The following NUMA1 variants were observed in gnomAD, a reference collection of about 807,000 sequenced individuals.
The protein encoded by NUMA1 is nuclear mitotic apparatus protein 1, also known as SP-H antigen.
Under a neutral mutation model 237.1 loss-of-function variants are expected in NUMA1, and 62 were observed. The ratio of observed to expected loss-of-function variants is 0.26; its 90% CI spans 0.21 to 0.32. The LOEUF is 0.32. Ranked by LOEUF, NUMA1 falls within the 10% of genes least tolerant of loss-of-function variation. NUMA1 has a pLI of 1.00. For missense variants in NUMA1, 2,533 were observed against 2,666.5 expected (o/e 0.95, Z 1.10); for synonymous variants, 1,028 against 1,066.1 (o/e 0.96, Z 0.70).
At chr11:72,044,610 G>T (rs564446478) in intron 2 of NUMA1, among the ~76,000 whole-genome samples, 1 of 151,696 alleles carries the variant, frequency 6.6e-6, no homozygotes, top group Non-Finnish European at 1.5e-5. Flanking sequence ...TTTGGGGGGG[G>T]GGAGGAGTTA....
intron 2 of NUMA1, among the ~76,000 whole-genome samples, chr11:72,038,249 C>T (rs1591007645): frequency 6.6e-6 from 1 of 152,284 alleles, no homozygotes; most frequent in South Asian, 2.1e-4. Context: ...GTTTAACCAA[C>T]CTCTTCATCT....
intron 3 of NUMA1, among the ~76,000 whole-genome samples, chr11:72,031,318 A>C (rs1940280481): frequency 6.6e-6 from 1 of 152,062 alleles, no homozygotes. Flanking sequence ...AAAAAAGAAA[A>C]ACTAATAAAC....
At chr11:72,019,134 C>T in intron 9 of NUMA1, 154 bp from the exon 10 acceptor site, 1 of 751,596 alleles carries the variant, frequency 1.3e-6, no homozygotes, top group East Asian at 2.7e-5. Context: ...CCTCAAGCCT[C>T]ATGACATGAT....
chr11:72,035,309 G>T (rs1940876396), intron 3 of NUMA1, among the ~76,000 whole-genome samples: 1 of 152,172 alleles, frequency 6.6e-6, no homozygotes, highest in Admixed American at 6.5e-5. Flanking sequence ...CAGAAAGGTG[G>T]TAAGAGAGTG....
intron 4 of NUMA1, among the ~76,000 whole-genome samples, chr11:72,025,763 TACA>T (rs1303157208): frequency 6.6e-6 from 1 of 152,212 alleles, no homozygotes; most frequent in Non-Finnish European, 1.5e-5. Context: ...CCCATGTGAT[TACA>T]CAGGCTTCTT....
intron 1 of NUMA1, among the ~76,000 whole-genome samples, chr11:72,071,079 A>G (rs1943430006): frequency 1.3e-5 from 2 of 152,230 alleles, no homozygotes; most frequent in South Asian, 4.1e-4. Context: ...GTCACTTTTC[A>G]TGATACACAA....
chr11:72,024,018 CCAAAAAGTA>C, intron 5 of NUMA1: 1 of 420,570 alleles, frequency 2.4e-6, no homozygotes, highest in Non-Finnish European at 4.3e-6. Flanking sequence ...GTGACAGGTC[CCAAAAAGTA>C]ACCTTCTGGC....
chr11:72,009,290 G>A lies in NUMA1; in HGVS notation c.4817C>T (p.Ala1606Val), dbSNP rs759187062. ...TACCTGCAGCTTATAGTGCTCAGCT[G>A]CCTGCTCCTTCTGGCTCAACTGGGC... is the stretch of plus-strand genomic sequence containing the variant. ...LQAQLSQKEQ[A>V]AEHYKLQMEK... The change falls in exon 18 of 27, where the codon GCA becomes GTA. Residue 1606 changes from alanine (A) to valine (V), a missense_variant. Transcript: ENST00000393695. 1.2e-6 allele frequency: 2 copies of A among 1,613,306 alleles called. No homozygotes were observed. Among genetic ancestry groups the A allele is most frequent in the African/African-American group, 2.7e-5 (2 of 74,934 alleles).
chr11:72,006,184 A>T lies in NUMA1; in HGVS notation c.5543T>A (p.Leu1848Gln). 1.2e-6 allele frequency: 2 copies of T among 1,614,148 alleles called. No homozygotes were observed. Among genetic ancestry groups the T allele is most frequent in the Non-Finnish European group, 1.7e-6 (2 of 1,180,026 alleles). The change falls in exon 22 of 27, where the codon CTG becomes CAG. Residue 1848 changes from leucine (L) to glutamine (Q), a missense_variant. This residue lies in a region of NUMA1 where 795 missense variants were observed against 750.8 expected (regional missense o/e 1.06). Transcript: ENST00000393695. ...TRSAPASQAS[L>Q]RATSSTQSLA... The stretch of plus-strand genomic sequence containing the variant: ...AGACTGAGTAGAGGAGGTGGCTCGC[A>T]GGCTAGCCTGGGAAGCAGGAGCAGA...
At chr11:72,040,463 CA>C (rs1941538447) in intron 2 of NUMA1, 4 of 31,148 alleles carry the variant, frequency 1.3e-4, no homozygotes, top group Non-Finnish European at 2.6e-4. Flanking sequence ...CACACACACA[CA>C]CACACACACA....
chr11:72,061,357 G>A (rs1032519970), intron 2 of NUMA1, among the ~76,000 whole-genome samples: 20 of 152,264 alleles, frequency 1.3e-4, no homozygotes, highest in African/African-American at 3.9e-4. Context: ...TGCAGTATAG[G>A]TCTGGTATAT....
In NUMA1 at chr11:72,009,357, G is replaced by C. The variant is rs748559769; in HGVS notation, c.4750C>G (p.Gln1584Glu). The C allele has an allele frequency of 5.6e-6, 9 of 1,611,482 alleles. No homozygotes were observed. Among genetic ancestry groups the C allele is most frequent in the African/African-American group, 1.3e-5 (1 of 75,006 alleles). Residue 1584 changes from glutamine (Q) to glutamate (E), a missense_variant, in exon 18 of 27, where the codon CAG (glutamine) becomes GAG (glutamate). Physicochemically the swap from Gln to Glu is conservative, Grantham distance 29 (BLOSUM62 2). Around this residue, in one of 3 missense-constraint regions of NUMA1, gnomAD observed 795 missense variants for 750.8 expected, o/e 1.06. Transcript: ENST00000393695. ...AVQAQGGESQ[Q>E]EAQRLQAQLN... ...TGGGCCTGGAGGCGCTGGGCCTCCT[G>C]CTGGCTCTCGCCTCCCTGAGCCTGG...
Position 72,021,376 on chromosome 11 carries a change from A to AGTCCCC in NUMA1, c.373-91_373-86dup, listed in dbSNP as rs367613506. The AGTCCCC allele has an allele frequency of 1.8e-4, 223 of 1,212,892 alleles. No homozygotes were observed. The African/African-American group carries it at 3.0e-3, about 16-fold the overall frequency. 75.1% of individuals were successfully genotyped at this position (1,212,892 alleles called of 1,614,324 possible). On this transcript the variant is annotated intron_variant, in intron 7 of 26. Coordinates refer to ENST00000393695, the MANE Select transcript of NUMA1 (RefSeq NM_006185.4). ...CCAGGAGCTCCACCCTGGCAGTGCC[A>AGTCCCC]GTCCCCGGCTCCCTCATGCCCTAGG...
intron 21 of NUMA1, 22 bp downstream of exon 21, chr11:72,007,167 G>C: frequency 6.2e-7 from 1 of 1,603,158 alleles, no homozygotes; most frequent in Non-Finnish European, 8.5e-7. Flanking sequence ...CTGCCCTGCA[G>C]CCCCTGTCCC....
chr11:72,029,146 C>T, intron 4 of NUMA1, 59 bp downstream of exon 4: 2 of 1,257,206 alleles, frequency 1.6e-6, no homozygotes, highest in South Asian at 1.2e-5. Flanking sequence ...CAAGTACAGC[C>T]CCCACCCCAG....
intron 2 of NUMA1, among the ~76,000 whole-genome samples, chr11:72,049,245 C>T (rs147421958): frequency 5.5e-4 from 83 of 152,008 alleles, no homozygotes; most frequent in African/African-American, 1.7e-3. Flanking sequence ...GAACCTGAAA[C>T]GCAGGGGGAA....
At chr11:72,049,921 C>T (rs1942246889) in intron 2 of NUMA1, among the ~76,000 whole-genome samples, 1 of 152,030 alleles carries the variant, frequency 6.6e-6, no homozygotes, top group Admixed American at 6.6e-5. Context: ...TAGAACTTGT[C>T]TCCTCAGAAT....
chr11:72,004,436 G>A (rs1180517796), intron 24 of NUMA1, 95 bp from the exon 25 acceptor site: 76 of 1,275,536 alleles, frequency 6.0e-5, no homozygotes, highest in Non-Finnish European at 5.0e-5. Flanking sequence ...GACCTTGTAA[G>A]TCAACGTGCA....
intron 5 of NUMA1, 77 bp from the exon 6 acceptor site, chr11:72,023,224 G>T: frequency 9.1e-7 from 1 of 1,095,022 alleles, no homozygotes; most frequent in Non-Finnish European, 1.4e-6. Context: ...CTGAAATCTG[G>T]GGAGCAGAAT....
Sources: allele counts gnomAD v4.1 joint callset (sites outside exome capture counted in the v4.1 genomes callset), GRCh38; gene constraint gnomAD v4.1.1; regional missense constraint gnomAD v4.1.1; transcripts MANE v1.5; gene names NCBI Gene and HGNC (gene_info 2026-07-23, HGNC 2026-07-21).